ATF7IP: variants seen among roughly 807,000 people sequenced by gnomAD.
The protein encoded by ATF7IP is activating transcription factor 7 interacting protein, also known as activating transcription factor 7-interacting protein 1.
ATF7IP carries 23 observed loss-of-function variants against 106.4 expected under a neutral mutation model. That is an observed-to-expected ratio of 0.22 (90% CI 0.16 to 0.31). The LOEUF (loss-of-function observed/expected upper bound fraction) is 0.31, where lower values mean the gene tolerates loss of function less well. Ranked by LOEUF, ATF7IP falls within the 10% of genes least tolerant of loss-of-function variation. The pLI is 1.00. For missense variants in ATF7IP, 1,334 were observed against 1,524.3 expected (o/e 0.88, Z 2.08); for synonymous variants, 542 against 539.0 (o/e 1.01, Z -0.08).
At chr12:14,486,232 C>T (rs1341265713) in intron 13 of ATF7IP, among the ~76,000 whole-genome samples, 2 of 152,126 alleles carry the variant, frequency 1.3e-5, no homozygotes, top group Non-Finnish European at 2.9e-5. Flanking sequence ...CCTCCATAAG[C>T]CCCTGCTTTA....
chr12:14,403,500 G>A lies in ATF7IP; in HGVS notation c.-7-20409G>A, dbSNP rs12423398. Among the ~76,000 whole-genome samples, 201 of 152,262 alleles carry A rather than the reference G, an allele frequency of 1.3e-3. 1 individual carries two copies. In the East Asian group the frequency reaches 0.02, roughly 15 times the overall value. ...CTCTCTAAGCACTGTTCTTTGCACAGTATATTTATTGAATTGATTGTTGTG... is the reference window on the plus strand; with the variant it reads ...CTCTCTAAGCACTGTTCTTTGCACAATATATTTATTGAATTGATTGTTGTG... On this transcript the variant is annotated intron_variant, in intron 1 of 14. Coordinates refer to ENST00000261168, the MANE Select transcript of ATF7IP (RefSeq NM_018179.5).
At chr12:14,432,889 G>C (rs1942210345) in intron 2 of ATF7IP, among the ~76,000 whole-genome samples, 1 of 152,104 alleles carries the variant, frequency 6.6e-6, no homozygotes, top group Admixed American at 6.5e-5. Flanking sequence ...ACATCTTAAT[G>C]AATTTTTTTT....
At chr12:14,484,523 G>A (rs932487210) in intron 13 of ATF7IP, among the ~76,000 whole-genome samples, 1 of 152,208 alleles carries the variant, frequency 6.6e-6, no homozygotes, top group Non-Finnish European at 1.5e-5. Flanking sequence ...TCTGCCAACT[G>A]GGAATATTTC....
intron 5 of ATF7IP, 68 bp from the exon 6 acceptor site, chr12:14,446,920 G>GT (rs1942989069): frequency 1.8e-6 from 2 of 1,081,132 alleles, no homozygotes; most frequent in African/African-American, 1.9e-5. Flanking sequence ...ATATATTCAT[G>GT]GTTTTTTTTT....
At chr12:14,370,228 G>A (rs758946049) in intron 1 of ATF7IP, among the ~76,000 whole-genome samples, 24 of 152,188 alleles carry the variant, frequency 1.6e-4, no homozygotes, top group Non-Finnish European at 3.2e-4. Context: ...GAGCCACTGC[G>A]CCTGGCCTCC....
intron 13 of ATF7IP, among the ~76,000 whole-genome samples, chr12:14,483,528 G>T (rs925980556): frequency 4.6e-5 from 7 of 152,048 alleles, no homozygotes; most frequent in Non-Finnish European, 1.0e-4. Flanking sequence ...CCTCCCTCTG[G>T]AACTAAGACC....
At chr12:14,423,527 A>G (rs1454311689) in intron 1 of ATF7IP, among the ~76,000 whole-genome samples, 2 of 102,646 alleles carry the variant, frequency 1.9e-5, no homozygotes, top group East Asian at 2.6e-4. Flanking sequence ...TTATTTCCCT[A>G]CTGTTGTTCT....
At chr12:14,401,680 CCT>C (rs1012529233) in intron 1 of ATF7IP, among the ~76,000 whole-genome samples, 9 of 147,862 alleles carry the variant, frequency 6.1e-5, no homozygotes, top group African/African-American at 1.5e-4. Flanking sequence ...CAATTTTTTC[CCT>C]GTTTTTAGCA....
chr12:14,490,682 CT>C (rs1591972131), intron 13 of ATF7IP, among the ~76,000 whole-genome samples: 2 of 152,180 alleles, frequency 1.3e-5, no homozygotes, highest in East Asian at 3.9e-4. Context: ...ATCACAGGGA[CT>C]CCCCATGAGG....
intron 1 of ATF7IP, chr12:14,408,440 A>G (rs752250407): frequency 7.2e-5 from 11 of 152,262 alleles, no homozygotes; most frequent in African/African-American, 2.2e-4. Context: ...GATTGGTTAC[A>G]TGATGCTGCT....
intron 13 of ATF7IP, chr12:14,481,536 T>C: frequency 5.1e-6 from 2 of 391,778 alleles, no homozygotes; most frequent in East Asian, 7.5e-5. Context: ...TTTTTGTCAA[T>C]TAAAAAATAG....
intron 1 of ATF7IP, among the ~76,000 whole-genome samples, chr12:14,417,276 T>C (rs1445108736): frequency 2.0e-5 from 3 of 152,178 alleles, no homozygotes; most frequent in Admixed American, 1.3e-4. Flanking sequence ...ATTGTACTTA[T>C]ACCACTTAAT....
intron 10 of ATF7IP, among the ~76,000 whole-genome samples, chr12:14,473,288 C>A (rs201057766): frequency 6.6e-4 from 92 of 140,430 alleles, no homozygotes; most frequent in African/African-American, 2.4e-3. Context: ...CTCTCTCTCT[C>A]TCTGTGTGTG....
chr12:14,455,402 A>G (rs1425454292), intron 6 of ATF7IP, among the ~76,000 whole-genome samples: 6 of 152,124 alleles, frequency 3.9e-5, no homozygotes, highest in Admixed American at 3.3e-4. Context: ...ATCTAATGCA[A>G]TGTCATACTA....
At position 14,402,365 on chromosome 12, in the gene ATF7IP, C is replaced by T. The variant is rs544523216; in HGVS notation, c.-7-21544C>T. 2.0e-5 allele frequency among the ~76,000 whole-genome samples: 3 copies of T among 151,942 alleles called. No homozygotes were observed. The East Asian group carries it at 5.8e-4, about 30-fold the overall frequency. The stretch of plus-strand genomic sequence containing the variant: ...CTGGTCTTGAATTCCTGGGCTCAAG[C>T]AATCCTCTTGTCCCAGCTTTCCAAA... On this transcript the variant is annotated intron_variant, in intron 1 of 14. Coordinates refer to ENST00000261168, the MANE Select transcript of ATF7IP (RefSeq NM_018179.5).
chr12:14,388,927 A>G (rs1032747444), intron 1 of ATF7IP, among the ~76,000 whole-genome samples: 4 of 152,210 alleles, frequency 2.6e-5, no homozygotes, highest in Non-Finnish European at 5.9e-5. Context: ...GGCATGAGGC[A>G]TCGTGCCCTG....
chr12:14,377,833 C>T lies in ATF7IP; in HGVS notation c.-8+12006C>T, dbSNP rs374646167. Among the ~76,000 whole-genome samples the T allele has an allele frequency of 5.3e-5, 8 of 151,522 alleles. No individual in the cohort carries two copies. In the East Asian group the frequency reaches 7.8e-4, roughly 15 times the overall value. On this transcript the variant is annotated intron_variant, in intron 1 of 14. Coordinates refer to ENST00000261168, the MANE Select transcript of ATF7IP (RefSeq NM_018179.5). ...TTCACCATGTTGGTCAGGCTGGTCT[C>T]GAGCTCCTGACCTCAAGAGGATCAC...
At position 14,501,098 on chromosome 12, in the gene ATF7IP, G is replaced by C. The variant is rs1344425097; in HGVS notation, c.*3025G>C. 6.6e-6 allele frequency: 1 copy of C among 152,210 alleles called. No individual in the cohort carries two copies. The highest frequency in any genetic ancestry group is 1.9e-4 in the East Asian group (1 of 5,186). The allele number at this position is 152,210 out of a possible 1,614,324, so 9.4% of individuals were successfully genotyped here. A position where few individuals can be genotyped will look rare whatever the true frequency, so the allele number is the denominator to read the frequency against. On this transcript the variant is annotated 3_prime_UTR_variant, in exon 15 of 15. Coordinates refer to ENST00000261168, the MANE Select transcript of ATF7IP (RefSeq NM_018179.5). ...TAATATTGATAGATGCTTTTTGTTT[G>C]GTTTGTTTCTTCTGGGAGAGAATGG...
At chr12:14,456,458 G>A (rs952329406) in intron 6 of ATF7IP, 103 bp from the exon 7 acceptor site, 1 of 724,562 alleles carries the variant, frequency 1.4e-6, no homozygotes, top group Non-Finnish European at 2.4e-6. Flanking sequence ...TATTAGAACA[G>A]TGACAGATAA....
Sources: gnomAD v4.1 joint callset for allele counts (sites outside exome capture counted in the v4.1 genomes callset) on GRCh38, gnomAD v4.1.1 for gene constraint, MANE v1.5 for transcripts, NCBI Gene and HGNC (gene_info 2026-07-23, HGNC 2026-07-21) for gene names.